Variants in HBQ1 observed in about 807,000 individuals in gnomAD.
The protein encoded by HBQ1 is hemoglobin subunit theta-1.
Under a neutral mutation model 8.2 loss-of-function variants are expected in HBQ1, and 9 were observed. The ratio of observed to expected loss-of-function variants is 1.10; its 90% CI spans 0.66 to 1.92. HBQ1 has a LOEUF of 1.92. Ranked by LOEUF, HBQ1 falls within the 40% of genes most tolerant of loss-of-function variation. HBQ1 has a pLI of 0.00. For synonymous variants in HBQ1, 102 were observed against 100.0 expected (o/e 1.02, Z -0.12); for missense variants, 216 against 189.3 (o/e 1.14, Z -0.83).
chr16:181,174 G>C lies in HBQ1; in HGVS notation c.*66G>C, dbSNP rs2048880545. The stretch of plus-strand genomic sequence containing the variant: ...CCGTGTTTGAGTAAAGCCTCTCCCA[G>C]GAGCAGCCTTCTTGCCGTGCTCTCT... On this transcript the variant is annotated 3_prime_UTR_variant, in exon 3 of 3. Transcript: ENST00000199708. 2.5e-6 allele frequency: 4 copies of C among 1,575,646 alleles called. No individual in the cohort carries two copies. The highest frequency in any genetic ancestry group is 1.7e-4 in the Middle Eastern group (1 of 5,922).
Position 181,102 on chromosome 16 carries a change from C to A in HBQ1, c.423C>A (p.Tyr141Ter). Reference sequence around the variant, plus strand: ...TTATCTCGGCGCTGGTTTCCGAGTACCGCTGAACTGTGGGTGGGTGGCCGC... The same window carrying A: ...TTATCTCGGCGCTGGTTTCCGAGTAACGCTGAACTGTGGGTGGGTGGCCGC... Reference protein sequence around the residue: ...SHVISALVSEYR With the variant: ...SHVISALVSE Residue 141 changes from tyrosine (Y) to a stop codon, truncating the protein, a stop_gained, in exon 3 of 3, where the codon TAC (tyrosine) becomes TAA (stop). Coordinates refer to ENST00000199708, the MANE Select transcript of HBQ1 (RefSeq NM_005331.5). LOFTEE classifies it high-confidence loss of function. 3.1e-6 allele frequency: 5 copies of A among 1,612,930 alleles called. No individual in the cohort carries two copies. Among genetic ancestry groups the A allele is most frequent in the South Asian group, 1.1e-5 (1 of 90,806 alleles).
chr16:180,760 G>A lies in HBQ1; in HGVS notation c.190G>A (p.Ala64Thr). ...SQVRAHGQKV[A>T]DALSLAVERL... ...AGTCAGAGCCCACGGCCAGAAGGTG[G>A]CGGACGCGCTGAGCCTCGCCGTGGA... is the stretch of plus-strand genomic sequence containing the variant. The change falls in exon 2 of 3, where the codon GCG becomes ACG. Residue 64 changes from alanine (A) to threonine (T), a missense_variant. By Grantham distance (58) the Ala-to-Thr change is moderately conservative. Transcript: ENST00000199708. 6.3e-7 allele frequency: 1 copy of A among 1,580,300 alleles called. No individual in the cohort carries two copies. Among genetic ancestry groups the A allele is most frequent in the Middle Eastern group, 1.7e-4 (1 of 6,030 alleles).
In HBQ1 at chr16:180,830, T is replaced by C. The variant is rs1247857401; in HGVS notation, c.260T>C (p.Leu87Pro). 3 of 1,547,480 alleles carry C rather than the reference T, an allele frequency of 1.9e-6. No homozygotes were observed. The highest frequency in any genetic ancestry group is 2.6e-6 in the Non-Finnish European group (3 of 1,150,524). Residue 87 changes from leucine to proline, a missense_variant, in exon 2 of 3, where the codon CTG (leucine) becomes CCG (proline). Transcript: ENST00000199708. Reference protein sequence around the residue: ...LPHALSALSHLHACQLRVDPA... With the variant: ...LPHALSALSHPHACQLRVDPA... Reference sequence around the variant, plus strand: ...CACGCGCTGTCCGCGCTGAGCCACCTGCACGCGTGCCAGCTGCGAGTGGAC... The same window carrying C: ...CACGCGCTGTCCGCGCTGAGCCACCCGCACGCGTGCCAGCTGCGAGTGGAC...
At position 180,462 on chromosome 16, in the gene HBQ1, G is replaced by A. The variant is rs1029378744; in HGVS notation, c.-25G>A. On this transcript the variant is annotated 5_prime_UTR_variant, in exon 1 of 3. Transcript: ENST00000199708. ...TCCGCGCAGGCGCAGCGGGGTCGCA[G>A]GGCGCGGCGGGTTCCAGCGCGGGGA... 2.1e-6 allele frequency: 3 copies of A among 1,417,464 alleles called. No homozygotes were observed. The highest frequency in any genetic ancestry group is 1.4e-5 in the South Asian group (1 of 71,700). The allele number at this position is 1,417,464 out of a possible 1,614,324, so 87.8% of individuals were successfully genotyped here. A position where few individuals can be genotyped will look rare whatever the true frequency, so the allele number is the denominator to read the frequency against.
At position 180,961 on chromosome 16, in the gene HBQ1, C is replaced by T. The variant is rs955882106; in HGVS notation, c.301-19C>T. 1.9e-6 allele frequency: 3 copies of T among 1,585,714 alleles called. No individual in the cohort carries two copies. Among genetic ancestry groups the T allele is most frequent in the Non-Finnish European group, 2.6e-6 (3 of 1,167,410 alleles). Reference sequence around the variant, plus strand: ...TGCGGGGCGGGTGCAGGCGAGTGAGCCTTGAGCGCTCGCCGCAGCTCCTGG... The same window carrying T: ...TGCGGGGCGGGTGCAGGCGAGTGAGTCTTGAGCGCTCGCCGCAGCTCCTGG... On this transcript the variant is annotated intron_variant, in intron 2 of 2. Transcript: ENST00000199708.
At position 180,830 on chromosome 16, in the gene HBQ1, T is replaced by A; in HGVS notation, c.260T>A (p.Leu87Gln). 1 of 1,547,594 alleles carries A rather than the reference T, an allele frequency of 6.5e-7. No individual in the cohort carries two copies. The highest frequency in any genetic ancestry group is 8.7e-7 in the Non-Finnish European group (1 of 1,150,516). ...CACGCGCTGTCCGCGCTGAGCCACC[T>A]GCACGCGTGCCAGCTGCGAGTGGAC... is the stretch of plus-strand genomic sequence containing the variant. ...LPHALSALSH[L>Q]HACQLRVDPA... Residue 87 changes from leucine (L) to glutamine (Q), a missense_variant, in exon 2 of 3, where the codon CTG (leucine) becomes CAG (glutamine). Leu to Gln is a moderately radical substitution (Grantham distance 113, BLOSUM62 -2). Coordinates refer to ENST00000199708, the MANE Select transcript of HBQ1 (RefSeq NM_005331.5).
Position 180,735 on chromosome 16 carries a change from A to G in HBQ1, c.165A>G (p.Gln55=), listed in dbSNP as rs746648542. 7.5e-6 allele frequency: 12 copies of G among 1,593,714 alleles called. No individual in the cohort carries two copies. Among genetic ancestry groups the G allele is most frequent in the African/African-American group, 6.7e-5 (5 of 74,342 alleles). The change falls in exon 2 of 3, where the codon CAA becomes CAG. Residue 55 remains glutamine (Q), a synonymous_variant. Transcript: ENST00000199708. ...SHLDLSPGSS[Q]VRAHGQKVAD... ...TGGACCTGAGCCCCGGCTCCTCACA[A>G]GTCAGAGCCCACGGCCAGAAGGTGG...
In HBQ1 at chr16:180,732, A is replaced by G. The variant is rs772534431; in HGVS notation, c.162A>G (p.Ser54=). 1 of 1,594,082 alleles carries G rather than the reference A, an allele frequency of 6.3e-7. No individual in the cohort carries two copies. Among genetic ancestry groups the G allele is most frequent in the Admixed American group, 1.7e-5 (1 of 58,864 alleles). ...FSHLDLSPGS[S]QVRAHGQKVA... ...ACCTGGACCTGAGCCCCGGCTCCTCACAAGTCAGAGCCCACGGCCAGAAGG... is the reference window on the plus strand; with the variant it reads ...ACCTGGACCTGAGCCCCGGCTCCTCGCAAGTCAGAGCCCACGGCCAGAAGG... Residue 54 remains serine, a synonymous_variant, in exon 2 of 3, where the codon TCA becomes TCG. Transcript: ENST00000199708.
At position 180,873 on chromosome 16, in the gene HBQ1, G is replaced by A. The variant is rs1381587604; in HGVS notation, c.300+3G>A. 2 of 1,531,968 alleles carry A rather than the reference G, an allele frequency of 1.3e-6. No individual in the cohort carries two copies. Among genetic ancestry groups the A allele is most frequent in the Admixed American group, 2.0e-5 (1 of 50,818 alleles). 94.9% of individuals were successfully genotyped at this position (1,531,968 alleles called of 1,614,324 possible). A position where few individuals can be genotyped will look rare whatever the true frequency, so the allele number is the denominator to read the frequency against. ...GAGTGGACCCGGCCAGCTTCCAGGT[G>A]AGCGGCTGCCGTGCTGGGCCCCTGT... On this transcript the variant is annotated splice_donor_region_variant and intron_variant, in intron 2 of 2. Coordinates refer to ENST00000199708, the MANE Select transcript of HBQ1 (RefSeq NM_005331.5).
Position 181,064 on chromosome 16 carries a change from T to C in HBQ1, c.385T>C (p.Phe129Leu). The change falls in exon 3 of 3, where the codon TTC becomes CTC. Residue 129 changes from phenylalanine to leucine, a missense_variant. Transcript: ENST00000199708. ...CGCGCTGCAGGCGTCGCTGGACAAG[T>C]TCCTGAGCCACGTTATCTCGGCGCT... ...SPALQASLDK[F>L]LSHVISALVS... 1.2e-6 allele frequency: 2 copies of C among 1,613,416 alleles called. No individual in the cohort carries two copies. Among genetic ancestry groups the C allele is most frequent in the Non-Finnish European group, 1.7e-6 (2 of 1,179,902 alleles).
At position 180,480 on chromosome 16, in the gene HBQ1, C is replaced by CG. The variant is rs1567166222; in HGVS notation, c.-6dup. 4 of 1,488,676 alleles carry CG rather than the reference C, an allele frequency of 2.7e-6. No individual in the cohort carries two copies. The African/African-American group carries it at 4.4e-5, about 16-fold the overall frequency. 92.2% of individuals were successfully genotyped at this position (1,488,676 alleles called of 1,614,324 possible). A position where few individuals can be genotyped will look rare whatever the true frequency, so the allele number is the denominator to read the frequency against. ...GGTCGCAGGGCGCGGCGGGTTCCAG[C>CG]GCGGGGATGGCGCTGTCCGCGGAGG... On this transcript the variant is annotated 5_prime_UTR_variant, in exon 1 of 3. Coordinates refer to ENST00000199708, the MANE Select transcript of HBQ1 (RefSeq NM_005331.5).
In HBQ1 at chr16:180,779, C is replaced by T; in HGVS notation, c.209C>T (p.Ala70Val). The T allele has an allele frequency of 3.2e-6, 5 of 1,568,228 alleles. No individual in the cohort carries two copies. In the African/African-American group the frequency reaches 4.1e-5, roughly 13 times the overall value. ...GQKVADALSL[A>V]VERLDDLPHA... ...AAGGTGGCGGACGCGCTGAGCCTCG[C>T]CGTGGAGCGCCTGGACGACCTACCC... The change falls in exon 2 of 3, where the codon GCC (alanine) becomes GTC (valine). Residue 70 changes from alanine to valine, a missense_variant. Transcript: ENST00000199708.
chr16:180,711 G>A lies in HBQ1; in HGVS notation c.141G>A (p.Leu47=). Residue 47 remains leucine, a synonymous_variant, in exon 2 of 3, where the codon CTG becomes CTA. Coordinates refer to ENST00000199708, the MANE Select transcript of HBQ1 (RefSeq NM_005331.5). ...CCACGAAGACCTACTTCTCCCACCTGGACCTGAGCCCCGGCTCCTCACAAG... is the reference window on the plus strand; with the variant it reads ...CCACGAAGACCTACTTCTCCCACCTAGACCTGAGCCCCGGCTCCTCACAAG... ...FPATKTYFSH[L]DLSPGSSQVR... The A allele has an allele frequency of 6.3e-7, 1 of 1,597,054 alleles. No individual in the cohort carries two copies. The highest frequency in any genetic ancestry group is 8.5e-7 in the Non-Finnish European group (1 of 1,173,648).
In HBQ1 at chr16:180,757, G is replaced by GT. The variant is rs1283551238; in HGVS notation, c.188dup (p.Ala64GlyfsTer97). The GT allele has an allele frequency of 5.1e-6, 8 of 1,582,184 alleles. No individual in the cohort carries two copies. Among genetic ancestry groups the GT allele is most frequent in the Non-Finnish European group, 6.0e-6 (7 of 1,166,170 alleles). On this transcript the variant is annotated frameshift_variant, in exon 2 of 3. Coordinates refer to ENST00000199708, the MANE Select transcript of HBQ1 (RefSeq NM_005331.5). LOFTEE classifies it high-confidence loss of function. ...ACAAGTCAGAGCCCACGGCCAGAAG[G>GT]TGGCGGACGCGCTGAGCCTCGCCGT...
At position 180,491 on chromosome 16, in the gene HBQ1, C is replaced by A. The variant is rs1160268853; in HGVS notation, c.5C>A (p.Ala2Glu). 2.0e-6 allele frequency: 3 copies of A among 1,514,292 alleles called. No homozygotes were observed. The highest frequency in any genetic ancestry group is 4.1e-5 in the Admixed American group (2 of 49,018). The allele number at this position is 1,514,292 out of a possible 1,614,324, so 93.8% of individuals were successfully genotyped here. ...GCGGCGGGTTCCAGCGCGGGGATGG[C>A]GCTGTCCGCGGAGGACCGGGCGCTG... M[A>E]LSAEDRALVR... The change falls in exon 1 of 3, where the codon GCG becomes GAG. Residue 2 changes from alanine to glutamate, a missense_variant. Coordinates refer to ENST00000199708, the MANE Select transcript of HBQ1 (RefSeq NM_005331.5).
At position 180,478 on chromosome 16, in the gene HBQ1, A is replaced by G. The variant is rs1451459525; in HGVS notation, c.-9A>G. Reference sequence around the variant, plus strand: ...GGGGTCGCAGGGCGCGGCGGGTTCCAGCGCGGGGATGGCGCTGTCCGCGGA... The same window carrying G: ...GGGGTCGCAGGGCGCGGCGGGTTCCGGCGCGGGGATGGCGCTGTCCGCGGA... On this transcript the variant is annotated 5_prime_UTR_variant, in exon 1 of 3. Coordinates refer to ENST00000199708, the MANE Select transcript of HBQ1 (RefSeq NM_005331.5). 6.1e-6 allele frequency: 9 copies of G among 1,483,650 alleles called. No homozygotes were observed. In the South Asian group the frequency reaches 1.0e-4, roughly 17 times the overall value. The allele number at this position is 1,483,650 out of a possible 1,614,324, so 91.9% of individuals were successfully genotyped here.
chr16:180,806 A>G lies in HBQ1; in HGVS notation c.236A>G (p.His79Arg). Residue 79 changes from histidine (H) to arginine (R), a missense_variant, in exon 2 of 3, where the codon CAC (histidine) becomes CGC (arginine). By Grantham distance (29) the His-to-Arg change is conservative (BLOSUM62 0). Transcript: ENST00000199708. ...LAVERLDDLP[H>R]ALSALSHLHA... ...GTGGAGCGCCTGGACGACCTACCCC[A>G]CGCGCTGTCCGCGCTGAGCCACCTG... 6.4e-7 allele frequency: 1 copy of G among 1,557,794 alleles called. No homozygotes were observed.
Position 180,500 on chromosome 16 carries a change from C to T in HBQ1, c.14C>T (p.Ala5Val), listed in dbSNP as rs1321366471. 6.6e-7 allele frequency: 1 copy of T among 1,526,622 alleles called. No homozygotes were observed. The highest frequency in any genetic ancestry group is 8.8e-7 in the Non-Finnish European group (1 of 1,141,904). 94.6% of individuals were successfully genotyped at this position (1,526,622 alleles called of 1,614,324 possible). A position where few individuals can be genotyped will look rare whatever the true frequency, so the allele number is the denominator to read the frequency against. MALS[A>V]EDRALVRALW... ...TCCAGCGCGGGGATGGCGCTGTCCG[C>T]GGAGGACCGGGCGCTGGTGCGCGCC... Residue 5 changes from alanine (A) to valine (V), a missense_variant, in exon 1 of 3, where the codon GCG becomes GTG. Physicochemically the swap from Ala to Val is moderately conservative, Grantham distance 64. Transcript: ENST00000199708.
rs762758652 is a variant in HBQ1, at chr16:180,668, C to T, written c.98C>T (p.Thr33Ile). 1.1e-5 allele frequency: 18 copies of T among 1,565,880 alleles called. No homozygotes were observed. The highest frequency in any genetic ancestry group is 3.3e-4 in the Middle Eastern group (2 of 6,020). The change falls in exon 2 of 3, where the codon ACC becomes ATC. Residue 33 changes from threonine (T) to isoleucine (I), a missense_variant and splice_region_variant. By Grantham distance (89) the Thr-to-Ile change is moderately conservative. Coordinates refer to ENST00000199708, the MANE Select transcript of HBQ1 (RefSeq NM_005331.5). ...GVYTTEALER[T>I]FLAFPATKTY... ...CCTCACCCACGTTCCTCTCGCAGGA[C>T]CTTCCTGGCTTTCCCCGCCACGAAG...
Sources: allele counts gnomAD v4.1 joint callset, GRCh38; gene constraint gnomAD v4.1.1; transcripts MANE v1.5; gene names NCBI Gene and HGNC (gene_info 2026-07-23, HGNC 2026-07-21).